The following TSPYL1 variants were observed in gnomAD, a reference collection of about 807,000 sequenced individuals.
The protein encoded by TSPYL1 is testis-specific Y-encoded-like protein 1.
A neutral mutation model predicts 20.1 loss-of-function variants in TSPYL1; 16 were observed. The ratio of observed to expected loss-of-function variants is 0.80; its 90% CI spans 0.54 to 1.21. TSPYL1 has a LOEUF of 1.21. TSPYL1 is among the 50% of genes most tolerant of loss of function. TSPYL1 has a pLI of 0.00. For synonymous variants in TSPYL1, 259 were observed against 227.1 expected, an observed-to-expected ratio of 1.14 and a Z score of -1.26; for missense variants, 560 against 569.3, an observed-to-expected ratio of 0.98 and a Z score of 0.17.
rs763653804 is a variant in TSPYL1, at chr6:116,278,066, CCT to C, written c.*449_*450del. 3 of 182,376 alleles carry C rather than the reference CCT, an allele frequency of 1.6e-5. No individual in the cohort carries two copies. Among genetic ancestry groups the C allele is most frequent in the African/African-American group, 2.4e-5 (1 of 42,248 alleles). 11.3% of individuals were successfully genotyped at this position (182,376 alleles called of 1,614,324 possible). On this transcript the variant is annotated 3_prime_UTR_variant, in exon 1 of 1. Transcript: ENST00000368608. The stretch of plus-strand genomic sequence containing the variant: ...AGAACAAGTGGCTCACTGCTTTTCT[CCT>C]CTGAGTTCATTAACGTCCAGTAACT...
chr6:116,279,599 C>T lies in TSPYL1; in HGVS notation c.232G>A (p.Gly78Ser), dbSNP rs778647953. The stretch of plus-strand genomic sequence containing the variant: ...ACAACTCGGATCTGGGGAGTACCGC[C>T]ACGGCCCGCGGCATCCTGGGGTACG... ...GGVPQDAAGR[G>S]GTPQIRVVGG... Residue 78 changes from glycine to serine, a missense_variant, in exon 1 of 1, where the codon GGC becomes AGC. Physicochemically the swap from Gly to Ser is moderately conservative, Grantham distance 56 (BLOSUM62 0). Transcript: ENST00000368608. The T allele has an allele frequency of 6.2e-7, 1 of 1,602,200 alleles. No homozygotes were observed. The highest frequency in any genetic ancestry group is 8.5e-7 in the Non-Finnish European group (1 of 1,179,800).
In TSPYL1 at chr6:116,277,494, A is replaced by G. The variant is rs1773202142; in HGVS notation, c.*1023T>C. On this transcript the variant is annotated 3_prime_UTR_variant, in exon 1 of 1. Coordinates refer to ENST00000368608, the MANE Select transcript of TSPYL1 (RefSeq NM_003309.4). ...CTCTCTTTAACTATTCTAGGAGTTGATAAAAGGGCTAGGAAGTAGGAAGTT... is the reference window on the plus strand; with the variant it reads ...CTCTCTTTAACTATTCTAGGAGTTGGTAAAAGGGCTAGGAAGTAGGAAGTT... The G allele has an allele frequency of 6.6e-6, 1 of 152,342 alleles. No homozygotes were observed. The highest frequency in any genetic ancestry group is 1.5e-5 in the Non-Finnish European group (1 of 68,046). The allele number at this position is 152,342 out of a possible 1,614,324, so 9.4% of individuals were successfully genotyped here. A position where few individuals can be genotyped will look rare whatever the true frequency, so the allele number is the denominator to read the frequency against.
At position 116,279,886 on chromosome 6, in the gene TSPYL1, C is replaced by G. The variant is rs946182426; in HGVS notation, c.-56G>C. On this transcript the variant is annotated 5_prime_UTR_variant, in exon 1 of 1. Transcript: ENST00000368608. Reference sequence around the variant, plus strand: ...ACGCCCGTTTTCCTCAGAGGCCGAACTGGGAGCTAACCGCCGCTCGCACCG... The same window carrying G: ...ACGCCCGTTTTCCTCAGAGGCCGAAGTGGGAGCTAACCGCCGCTCGCACCG... The G allele has an allele frequency of 1.8e-5, 29 of 1,612,036 alleles. No individual in the cohort carries two copies. The highest frequency in any genetic ancestry group is 2.3e-5 in the Non-Finnish European group (27 of 1,179,354).
At position 116,279,025 on chromosome 6, in the gene TSPYL1, T is replaced by C; in HGVS notation, c.806A>G (p.Asn269Ser). 1 of 1,613,938 alleles carries C rather than the reference T, an allele frequency of 6.2e-7. No individual in the cohort carries two copies. Among genetic ancestry groups the C allele is most frequent in the Non-Finnish European group, 8.5e-7 (1 of 1,179,884 alleles). ...RMRRHYLERRNYIIQNIPGFW... is the reference protein window; with the variant it reads ...RMRRHYLERRSYIIQNIPGFW... ...GCCCGGGATATTCTGAATGATGTAG[T>C]TCCTCCGCTCCAGGTAGTGTCGACG... Residue 269 changes from asparagine (N) to serine (S), a missense_variant, in exon 1 of 1, where the codon AAC becomes AGC. Transcript: ENST00000368608.
At position 116,279,193 on chromosome 6, in the gene TSPYL1, T is replaced by C. The variant is rs764860145; in HGVS notation, c.638A>G (p.Glu213Gly). The part of the protein sequence containing the change: ...EVAEEDRLEE[E>G]AREEEGPWPL... Reference sequence around the variant, plus strand: ...CCAGGGCCCTTCTTCCTCCCTCGCCTCCTCCTCCAATCTATCCTCCTCCGC... The same window carrying C: ...CCAGGGCCCTTCTTCCTCCCTCGCCCCCTCCTCCAATCTATCCTCCTCCGC... The change falls in exon 1 of 1, where the codon GAG (glutamate) becomes GGG (glycine). Residue 213 changes from glutamate (E) to glycine (G), a missense_variant. By Grantham distance (98) the Glu-to-Gly change is moderately conservative. Transcript: ENST00000368608. 1 of 1,611,138 alleles carries C rather than the reference T, an allele frequency of 6.2e-7. No individual in the cohort carries two copies. Among genetic ancestry groups the C allele is most frequent in the South Asian group, 1.1e-5 (1 of 91,010 alleles).
chr6:116,279,032 G>T lies in TSPYL1; in HGVS notation c.799C>A (p.Arg267=). 1.2e-6 allele frequency: 2 copies of T among 1,613,626 alleles called. No individual in the cohort carries two copies. Among genetic ancestry groups the T allele is most frequent in the Non-Finnish European group, 1.7e-6 (2 of 1,179,646 alleles). The change falls in exon 1 of 1, where the codon CGG becomes AGG. Residue 267 remains arginine (R), a synonymous_variant. Transcript: ENST00000368608. ...FGRMRRHYLE[R]RNYIIQNIPG... ...ATATTCTGAATGATGTAGTTCCTCC[G>T]CTCCAGGTAGTGTCGACGCATCCGC...
Position 116,276,404 on chromosome 6 carries a change from A to G in TSPYL1, c.*2113T>C, listed in dbSNP as rs1773143733. Among the ~76,000 whole-genome samples, 1 of 152,188 alleles carries G rather than the reference A, an allele frequency of 6.6e-6. No individual in the cohort carries two copies. Among genetic ancestry groups the G allele is most frequent in the Admixed American group, 6.5e-5 (1 of 15,288 alleles). On this transcript the variant is annotated 3_prime_UTR_variant, in exon 1 of 1. Transcript: ENST00000368608. Reference sequence around the variant, plus strand: ...AGGTTGTGCTGCATAAACTACATGGAAAAAAGTGATTGAGTAAGCAGTTGC... The same window carrying G: ...AGGTTGTGCTGCATAAACTACATGGGAAAAAGTGATTGAGTAAGCAGTTGC...
At position 116,277,154 on chromosome 6, in the gene TSPYL1, A is replaced by T. The variant is rs192585221; in HGVS notation, c.*1363T>A. 97 of 152,734 alleles carry T rather than the reference A, an allele frequency of 6.4e-4. 1 individual carries two copies. Among genetic ancestry groups the T allele is most frequent in the African/African-American group, 2.1e-3 (88 of 41,568 alleles). The allele number at this position is 152,734 out of a possible 1,614,324, so 9.5% of individuals were successfully genotyped here. A position where few individuals can be genotyped will look rare whatever the true frequency, so the allele number is the denominator to read the frequency against. ...AATAAGTTTAGAATCAGAAAAAAAA[A>T]TTTTACTAAATCCTAATGAAATAAC... On this transcript the variant is annotated 3_prime_UTR_variant, in exon 1 of 1. Coordinates refer to ENST00000368608, the MANE Select transcript of TSPYL1 (RefSeq NM_003309.4).
rs564316087 is a variant in TSPYL1 at position 116,275,539 on chromosome 6, G to A, written c.*2978C>T. ...AGATGGGCTGGGTGCGGTGGCTCAC[G>A]CCTGTAATCCCAGCACTTTGGGAGG... On this transcript the variant is annotated 3_prime_UTR_variant, in exon 1 of 1. Coordinates refer to ENST00000368608, the MANE Select transcript of TSPYL1 (RefSeq NM_003309.4). Among the ~76,000 whole-genome samples the A allele has an allele frequency of 6.6e-6, 1 of 152,272 alleles. No homozygotes were observed. Among genetic ancestry groups the A allele is most frequent in the East Asian group, 1.9e-4 (1 of 5,176 alleles).
chr6:116,278,232 A>T lies in TSPYL1; in HGVS notation c.*285T>A. The stretch of plus-strand genomic sequence containing the variant: ...GGGTCCAAGCAGTGCAGATAAAGGC[A>T]GTACAATCTACAGTATCATTTGCTT... On this transcript the variant is annotated 3_prime_UTR_variant, in exon 1 of 1. Transcript: ENST00000368608. The T allele has an allele frequency of 2.4e-6, 1 of 418,048 alleles. No homozygotes were observed. The highest frequency in any genetic ancestry group is 4.5e-6 in the Non-Finnish European group (1 of 222,130). 25.9% of individuals were successfully genotyped at this position (418,048 alleles called of 1,614,324 possible).
chr6:116,275,529 G>A lies in TSPYL1; in HGVS notation c.*2988C>T, dbSNP rs2498702. On this transcript the variant is annotated 3_prime_UTR_variant, in exon 1 of 1. Transcript: ENST00000368608. Reference sequence around the variant, plus strand: ...ACATTATGCTAGATGGGCTGGGTGCGGTGGCTCACGCCTGTAATCCCAGCA... The same window carrying A: ...ACATTATGCTAGATGGGCTGGGTGCAGTGGCTCACGCCTGTAATCCCAGCA... Among the ~76,000 whole-genome samples, 3,342 of 152,236 alleles carry A rather than the reference G, an allele frequency of 0.022. 136 individuals are homozygous for A. The highest frequency in any genetic ancestry group is 0.077 in the African/African-American group (3,193 of 41,520).
rs1165772024 is a variant in TSPYL1, at chr6:116,278,101, G to A, written c.*416C>T. On this transcript the variant is annotated 3_prime_UTR_variant, in exon 1 of 1. Transcript: ENST00000368608. ...CATTAACGTCCAGTAACTGTCCACA[G>A]GGCATGTGCCCATACTGCTCAATGC... 4 of 221,320 alleles carry A rather than the reference G, an allele frequency of 1.8e-5. No homozygotes were observed. The highest frequency in any genetic ancestry group is 2.8e-5 in the Non-Finnish European group (3 of 108,220). 13.7% of individuals were successfully genotyped at this position (221,320 alleles called of 1,614,324 possible). A position where few individuals can be genotyped will look rare whatever the true frequency, so the allele number is the denominator to read the frequency against.
rs752892713 is a variant in TSPYL1 at position 116,279,565 on chromosome 6, C to A, written c.266G>T (p.Arg89Leu). Residue 89 changes from arginine to leucine, a missense_variant, in exon 1 of 1, where the codon CGC becomes CTC. Coordinates refer to ENST00000368608, the MANE Select transcript of TSPYL1 (RefSeq NM_003309.4). ...GTPQIRVVGGRGHVAIKAGQE... is the reference protein window; with the variant it reads ...GTPQIRVVGGLGHVAIKAGQE... ...CCCGGCTTTGATCGCCACATGACCG[C>A]GACCCCCAACAACTCGGATCTGGGG... 1.2e-6 allele frequency: 2 copies of A among 1,602,846 alleles called. No individual in the cohort carries two copies. Among genetic ancestry groups the A allele is most frequent in the Admixed American group, 1.7e-5 (1 of 59,994 alleles).
chr6:116,278,132 TGAGTAG>T lies in TSPYL1; in HGVS notation c.*379_*384del. 3.3e-6 allele frequency: 1 copy of T among 302,286 alleles called. No individual in the cohort carries two copies. The highest frequency in any genetic ancestry group is 6.5e-6 in the Non-Finnish European group (1 of 153,352). 18.7% of individuals were successfully genotyped at this position (302,286 alleles called of 1,614,324 possible). On this transcript the variant is annotated 3_prime_UTR_variant, in exon 1 of 1. Transcript: ENST00000368608. Reference sequence around the variant, plus strand: ...GTGCCCATACTGCTCAATGCAGAGCTGAGTAGGTGGAACAGGCTCCCAAAGCTAGAA... The same window carrying T: ...GTGCCCATACTGCTCAATGCAGAGCTGTGGAACAGGCTCCCAAAGCTAGAA...
chr6:116,279,870 T>G lies in TSPYL1; in HGVS notation c.-40A>C. 2.5e-6 allele frequency: 4 copies of G among 1,613,052 alleles called. No homozygotes were observed. The highest frequency in any genetic ancestry group is 3.4e-6 in the Non-Finnish European group (4 of 1,180,012). ...GACCAACCGCAGGCGAACGCCCGTT[T>G]TCCTCAGAGGCCGAACTGGGAGCTA... On this transcript the variant is annotated 5_prime_UTR_variant, in exon 1 of 1. Transcript: ENST00000368608.
rs747566014 is a variant in TSPYL1 at position 116,278,917 on chromosome 6, G to A, written c.914C>T (p.Thr305Ile). The change falls in exon 1 of 1, where the codon ACC becomes ATC. Residue 305 changes from threonine to isoleucine, a missense_variant. Transcript: ENST00000368608. Reference protein sequence around the residue: ...GQDAEMLRYITNLEVKELRHP... With the variant: ...GQDAEMLRYIINLEVKELRHP... ...TCTGAGTTCCTTCACCTCTAAATTG[G>A]TTATGTACCTTAACATCTCTGCATC... is the stretch of plus-strand genomic sequence containing the variant. 2.5e-6 allele frequency: 4 copies of A among 1,613,936 alleles called. No individual in the cohort carries two copies. The East Asian group carries it at 8.9e-5, about 36-fold the overall frequency.
Position 116,279,248 on chromosome 6 carries a change from G to C in TSPYL1, c.583C>G (p.Gln195Glu). Residue 195 changes from glutamine (Q) to glutamate (E), a missense_variant, in exon 1 of 1, where the codon CAG (glutamine) becomes GAG (glutamate). Transcript: ENST00000368608. ...TCTATTTCTTCACCTTCTGGCGGCTGCTCCTCTACCTCCATCTGCTCCTCC... is the reference window on the plus strand; with the variant it reads ...TCTATTTCTTCACCTTCTGGCGGCTCCTCCTCTACCTCCATCTGCTCCTCC... Reference protein sequence around the residue: ...VMEEQMEVEEQPPEGEEIEVA... With the variant: ...VMEEQMEVEEEPPEGEEIEVA... 1 of 1,608,614 alleles carries C rather than the reference G, an allele frequency of 6.2e-7. No homozygotes were observed. The highest frequency in any genetic ancestry group is 1.1e-5 in the South Asian group (1 of 91,052).
rs144676525 is a variant in TSPYL1, at chr6:116,278,764, A to G, written c.1067T>C (p.Ile356Thr). Residue 356 changes from isoleucine to threonine, a missense_variant, in exon 1 of 1, where the codon ATA (isoleucine) becomes ACA (threonine). Transcript: ENST00000368608. The part of the protein sequence containing the change: ...GRVVSLSTPI[I>T]WRRGHEPQSF... Reference sequence around the variant, plus strand: ...CTGGGGTTCATGCCCCCTGCGCCATATAATTGGAGTAGAAAGAGACACCAC... The same window carrying G: ...CTGGGGTTCATGCCCCCTGCGCCATGTAATTGGAGTAGAAAGAGACACCAC... 4.4e-4 allele frequency: 717 copies of G among 1,614,208 alleles called. No homozygotes were observed. Among genetic ancestry groups the G allele is most frequent in the Non-Finnish European group, 5.4e-4 (642 of 1,180,034 alleles).
At position 116,279,093 on chromosome 6, in the gene TSPYL1, G is replaced by C. The variant is rs1182875297; in HGVS notation, c.738C>G (p.Ala246=). 2 of 1,613,758 alleles carry C rather than the reference G, an allele frequency of 1.2e-6. No individual in the cohort carries two copies. The highest frequency in any genetic ancestry group is 1.7e-5 in the Admixed American group (1 of 60,010). The change falls in exon 1 of 1, where the codon GCC becomes GCG. Residue 246 remains alanine (A), a synonymous_variant. Coordinates refer to ENST00000368608, the MANE Select transcript of TSPYL1 (RefSeq NM_003309.4). The stretch of plus-strand genomic sequence containing the variant: ...GCTCCAGCTGTTGGAAGGCCCTGTC[G>C]GCCTGAGCATTCACAGTGTCCAGTT... ...QLELDTVNAQ[A]DRAFQQLEHK...
Sources: gnomAD v4.1 joint callset for allele counts (sites outside exome capture counted in the v4.1 genomes callset) on GRCh38, gnomAD v4.1.1 for gene constraint, MANE v1.5 for transcripts, NCBI Gene and HGNC (gene_info 2026-07-23, HGNC 2026-07-21) for gene names.